Variants in KIAA0232 observed in about 807,000 individuals in gnomAD.
The protein encoded by KIAA0232 is KIAA0232, also known as uncharacterized protein KIAA0232.
A neutral mutation model predicts 122.0 loss-of-function variants in KIAA0232; 27 were observed. That is an observed-to-expected ratio of 0.22 (90% confidence interval 0.16 to 0.31). KIAA0232 has a LOEUF of 0.31. Ranked by LOEUF, KIAA0232 falls within the 10% of genes least tolerant of loss-of-function variation. KIAA0232 has a pLI of 1.00. For synonymous variants in KIAA0232, 613 were observed against 587.6 expected (o/e 1.04, Z -0.63); for missense variants, 1,551 against 1,634.2 (o/e 0.95, Z 0.88).
intron 1 of KIAA0232, among the ~76,000 whole-genome samples, chr4:6,788,299 C>T (rs115109072): frequency 1.5e-3 from 233 of 152,226 alleles, no homozygotes; most frequent in African/African-American, 5.1e-3. Context: ...ATTATAAGCA[C>T]GAGCCACCAC....
chr4:6,845,036 T>C (rs1228956479), intron 4 of KIAA0232, among the ~76,000 whole-genome samples: 1 of 152,192 alleles, frequency 6.6e-6, no homozygotes, highest in African/African-American at 2.4e-5. Flanking sequence ...TGAGTCAGGG[T>C]CATTCCCTCT....
chr4:6,797,192 C>G (rs879737723), intron 1 of KIAA0232, among the ~76,000 whole-genome samples: 57 of 152,178 alleles, frequency 3.7e-4, no homozygotes, highest in Non-Finnish European at 5.3e-4. Flanking sequence ...TAGAAACTGT[C>G]ATGGAAACTG....
chr4:6,810,048 A>G (rs1450663438), intron 2 of KIAA0232, among the ~76,000 whole-genome samples: 2 of 152,170 alleles, frequency 1.3e-5, no homozygotes, highest in African/African-American at 2.4e-5. Flanking sequence ...CAAAATACTA[A>G]TGTCATGTTT....
chr4:6,799,548 G>A (rs968363549), intron 1 of KIAA0232, among the ~76,000 whole-genome samples: 1 of 152,002 alleles, frequency 6.6e-6, no homozygotes, highest in African/African-American at 2.4e-5. Context: ...ACGTCTACTA[G>A]AAAGTATCAA....
intron 7 of KIAA0232, among the ~76,000 whole-genome samples, chr4:6,867,330 G>T (rs1469774215): frequency 6.6e-6 from 1 of 152,174 alleles, no homozygotes; most frequent in East Asian, 1.9e-4. Context: ...AAGGACGGAG[G>T]CAGGGCAGTC....
intron 4 of KIAA0232, among the ~76,000 whole-genome samples, chr4:6,854,236 G>C (rs1348045057): frequency 2.0e-5 from 3 of 152,164 alleles, no homozygotes; most frequent in Non-Finnish European, 4.4e-5. Context: ...TGCCTCACAT[G>C]TGTCATGTTA....
At chr4:6,860,709 G>C (rs1379420806) in intron 6 of KIAA0232, among the ~76,000 whole-genome samples, 192 bp from the exon 7 acceptor site, 1 of 152,156 alleles carries the variant, frequency 6.6e-6, no homozygotes. Context: ...GCAAAATGGT[G>C]CTTGATGCAT....
At chr4:6,870,466 C>T (rs917620805) in intron 7 of KIAA0232, among the ~76,000 whole-genome samples, 1 of 152,192 alleles carries the variant, frequency 6.6e-6, no homozygotes, top group East Asian at 1.9e-4. Flanking sequence ...CGCACCTAAG[C>T]AAGATAATTT....
At chr4:6,836,501 T>C (rs1253117292) in intron 3 of KIAA0232, among the ~76,000 whole-genome samples, 1 of 151,338 alleles carries the variant, frequency 6.6e-6, no homozygotes, top group Non-Finnish European at 1.5e-5. Context: ...TGCTTAATAA[T>C]TGTATTAAGG....
intron 2 of KIAA0232, among the ~76,000 whole-genome samples, chr4:6,818,168 C>T (rs1302468391): frequency 3.9e-5 from 6 of 151,936 alleles, no homozygotes; most frequent in Admixed American, 3.3e-4. Flanking sequence ...TTTGGGAGGC[C>T]GAGGCTGGTG....
chr4:6,813,227 A>T (rs1323302570), intron 2 of KIAA0232, among the ~76,000 whole-genome samples: 1 of 152,188 alleles, frequency 6.6e-6, no homozygotes, highest in Non-Finnish European at 1.5e-5. Flanking sequence ...GAACTTCTTC[A>T]AAACAATTCC....
Position 6,858,452 on chromosome 4 carries a change from G to A in KIAA0232, c.464G>A (p.Gly155Glu), listed in dbSNP as rs1255706726. The A allele has an allele frequency of 6.2e-7, 1 of 1,605,990 alleles. No homozygotes were observed. The highest frequency in any genetic ancestry group is 1.1e-5 in the South Asian group (1 of 89,214). ...GAGAAGATTCACAAAAAGTTAGAGGGGTCTCCCTCTCCAGAGGCAGAATTA... is the reference window on the plus strand; with the variant it reads ...GAGAAGATTCACAAAAAGTTAGAGGAGTCTCCCTCTCCAGAGGCAGAATTA... ...QEEKIHKKLE[G>E]SPSPEAELSP... Residue 155 changes from glycine to glutamate, a missense_variant, in exon 6 of 10, where the codon GGG becomes GAG. Gly to Glu is a moderately conservative substitution (Grantham distance 98). Around this residue, in one of 5 missense-constraint regions of KIAA0232, gnomAD observed 377 missense variants for 381.7 expected, o/e 0.99. Coordinates refer to ENST00000307659, the MANE Select transcript of KIAA0232 (RefSeq NM_014743.3).
intron 3 of KIAA0232, among the ~76,000 whole-genome samples, chr4:6,836,726 T>TGA (rs1429775054): frequency 6.6e-6 from 1 of 152,046 alleles, no homozygotes; most frequent in Non-Finnish European, 1.5e-5. Context: ...CCTGAGTACG[T>TGA]GAGATTAGGG....
chr4:6,850,968 G>A (rs764799018), intron 4 of KIAA0232, among the ~76,000 whole-genome samples: 12 of 152,160 alleles, frequency 7.9e-5, no homozygotes, highest in African/African-American at 1.4e-4. Flanking sequence ...ATGCTCGGCC[G>A]AAAGGAACAT....
chr4:6,862,734 A>G lies in KIAA0232; in HGVS notation c.2352A>G (p.Lys784=), dbSNP rs1490056800. The part of the protein sequence containing the change: ...LGEIPTLVFK[K]TSKLESVCGI... ...AGATTCCTACATTAGTTTTCAAAAA[A>G]ACATCTAAACTAGAATCCGTCTGTG... is the stretch of plus-strand genomic sequence containing the variant. The change falls in exon 7 of 10, where the codon AAA becomes AAG. Residue 784 remains lysine (K), a synonymous_variant. Transcript: ENST00000307659. 1.9e-6 allele frequency: 3 copies of G among 1,610,212 alleles called. No homozygotes were observed. Among genetic ancestry groups the G allele is most frequent in the Admixed American group, 3.4e-5 (2 of 59,062 alleles).
At chr4:6,866,146 A>C in intron 7 of KIAA0232, 8 of 783,210 alleles carry the variant, frequency 1.0e-5, no homozygotes, top group Non-Finnish European at 1.2e-5. Context: ...CCCATTTTTC[A>C]TCCTTAAATA....
rs754300484 is a variant in KIAA0232, at chr4:6,864,168, G to A, written c.3786G>A (p.Ser1262=). Residue 1262 remains serine (S), a synonymous_variant, in exon 7 of 10, where the codon TCG becomes TCA. Transcript: ENST00000307659. ...CTTATGAAGATAATCCAGTTTCTTC[G>A]GGACAGCTGGAAGAGGTATGTGTCT... ...FPAYEDNPVS[S]GQLEEFPVLN... The A allele has an allele frequency of 1.9e-5, 30 of 1,611,104 alleles. No homozygotes were observed. Among genetic ancestry groups the A allele is most frequent in the South Asian group, 8.8e-5 (8 of 90,680 alleles).
At chr4:6,816,849 C>A (rs1718152594) in intron 2 of KIAA0232, among the ~76,000 whole-genome samples, 1 of 152,082 alleles carries the variant, frequency 6.6e-6, no homozygotes, top group African/African-American at 2.4e-5. Flanking sequence ...AGGAATTTTT[C>A]CATTTCATTT....
intron 2 of KIAA0232, among the ~76,000 whole-genome samples, chr4:6,816,791 G>A (rs1045022238): frequency 6.6e-6 from 1 of 152,130 alleles, no homozygotes; most frequent in African/African-American, 2.4e-5. Context: ...ATATAGGACT[G>A]TTCATTCTGT....
Sources: allele counts gnomAD v4.1 joint callset (sites outside exome capture counted in the v4.1 genomes callset), GRCh38; gene constraint gnomAD v4.1.1; regional missense constraint gnomAD v4.1.1; transcripts MANE v1.5; gene names NCBI Gene and HGNC (gene_info 2026-07-23, HGNC 2026-07-21).